Variants in ZNF280C observed in about 807,000 individuals in gnomAD.
The protein encoded by ZNF280C is suppressor of hairy wing homolog 3.
A neutral mutation model predicts 53.6 loss-of-function variants in ZNF280C; 14 were observed. The ratio of observed to expected loss-of-function variants is 0.26; its 90% CI spans 0.17 to 0.41. The LOEUF is 0.41. Among genes scored for constraint, ZNF280C ranks in the 10% least tolerant of loss-of-function variants. The probability of loss-of-function intolerance (pLI) is 1.00; values close to 1 mark genes in which losing one functional copy is unlikely to be tolerated. For synonymous variants in ZNF280C, 203 were observed against 181.1 expected (o/e 1.12, Z -0.97); for missense variants, 416 against 547.1 (o/e 0.76, Z 2.39).
chrX:130,236,140 C>T, intron 8 of ZNF280C, 74 bp downstream of exon 8: 1 of 665,965 alleles, frequency 1.5e-6, no homozygotes, highest in South Asian at 3.8e-5. Context: ...CCAGCATTTA[C>T]TGTATATCAA....
chrX:130,236,607 G>A lies in ZNF280C; in HGVS notation c.526C>T (p.Pro176Ser), dbSNP rs2032337856. 2 of 1,188,137 alleles carry A rather than the reference G, an allele frequency of 1.7e-6. No individual in the cohort carries two copies. Among genetic ancestry groups the A allele is most frequent in the Non-Finnish European group, 2.3e-6 (2 of 881,268 alleles). Residue 176 changes from proline (P) to serine (S), a missense_variant, in exon 7 of 19, where the codon CCT (proline) becomes TCT (serine). Around this residue, in one of 3 missense-constraint regions of ZNF280C, gnomAD observed 193 missense variants for 201.4 expected, o/e 0.96. Transcript: ENST00000370978. ...ACACTGTTTACTTTAGAAGTAGAAG[G>A]ATGTTTCAACACATATGAAGTATTT... is the stretch of plus-strand genomic sequence containing the variant. Reference protein sequence around the residue: ...MKNTSYVLKHPSTSKVNSVTP... With the variant: ...MKNTSYVLKHSSTSKVNSVTP...
chrX:130,251,282 C>CAA (rs61571389), intron 2 of ZNF280C, among the ~76,000 whole-genome samples: 158 of 15,217 alleles, frequency 0.01, 22 homozygotes, highest in African/African-American at 0.039. Context: ...GGACCTGTCT[C>CAA]AAAAAAAAAA....
intron 2 of ZNF280C, among the ~76,000 whole-genome samples, chrX:130,257,653 T>A (rs929455871): frequency 9.0e-6 from 1 of 111,568 alleles, no homozygotes; most frequent in East Asian, 2.8e-4. Flanking sequence ...AGTATATAGG[T>A]ACCTGCATGT....
intron 1 of ZNF280C, among the ~76,000 whole-genome samples, chrX:130,266,265 T>G (rs1419100302): frequency 8.9e-6 from 1 of 111,853 alleles, no homozygotes; most frequent in Non-Finnish European, 1.9e-5. Context: ...TGCTGTATGA[T>G]CTCACATGTG....
intron 1 of ZNF280C, among the ~76,000 whole-genome samples, chrX:130,265,143 T>C (rs209210): frequency 0.49 from 54,587 of 110,731 alleles, 10,267 homozygotes; most frequent in African/African-American, 0.69. Context: ...ATAACTTTAT[T>C]ATTTTATCCT....
chrX:130,219,404 T>A (rs2032137542), intron 13 of ZNF280C, among the ~76,000 whole-genome samples: 1 of 101,470 alleles, frequency 9.9e-6, no homozygotes, highest in Non-Finnish European at 2.0e-5. Flanking sequence ...CGAGAATCAC[T>A]TGAACCCGGG....
In ZNF280C at chrX:130,255,847, TG is replaced by T. The variant is rs749125599; in HGVS notation, c.31+4571del. On this transcript the variant is annotated intron_variant, in intron 2 of 18. Transcript: ENST00000370978. ...GTGCGCACCTGTAATTCTAGCTGCT[TG>T]GGAGGCAGAGGCACAAGAATCGCCT... Among the ~76,000 whole-genome samples, 5 of 111,701 alleles carry T rather than the reference TG, an allele frequency of 4.5e-5. No homozygotes were observed. The South Asian group carries it at 1.9e-3, about 42-fold the overall frequency.
Position 130,251,282 on chromosome X carries a change from C to CAAAAAAAAAAAAAAAAA in ZNF280C, c.32-4294_32-4278dup, listed in dbSNP as rs61571389. Among the ~76,000 whole-genome samples the CAAAAAAAAAAAAAAAAA allele has an allele frequency of 1.3e-3, 20 of 15,335 alleles. 5 individuals are homozygous for CAAAAAAAAAAAAAAAAA. The highest frequency in any genetic ancestry group is 3.5e-3 in the African/African-American group (9 of 2,588). 13.3% of individuals were successfully genotyped at this position (15,335 alleles called of 115,157 possible). On this transcript the variant is annotated intron_variant, in intron 2 of 18. Coordinates refer to ENST00000370978, the MANE Select transcript of ZNF280C (RefSeq NM_017666.5). ...AGGCAAACGCAGTAAGGACCTGTCT[C>CAAAAAAAAAAAAAAAAA]AAAAAAAAAAAAAAAAAAAAAAAAA... is the stretch of plus-strand genomic sequence containing the variant.
At chrX:130,221,073 T>C (rs2032158912) in intron 12 of ZNF280C, among the ~76,000 whole-genome samples, 1 of 111,864 alleles carries the variant, frequency 8.9e-6, no homozygotes, top group South Asian at 3.7e-4. Flanking sequence ...AGGTAACATG[T>C]ATGAAAGTAT....
chrX:130,229,377 C>T (rs1468193340), intron 9 of ZNF280C, among the ~76,000 whole-genome samples: 1 of 111,704 alleles, frequency 9.0e-6, no homozygotes, highest in East Asian at 2.8e-4. Context: ...TGAAACATCA[C>T]TAATTTGCTG....
At chrX:130,210,849 T>G (rs1321532906) in intron 15 of ZNF280C, among the ~76,000 whole-genome samples, 1 of 112,491 alleles carries the variant, frequency 8.9e-6, no homozygotes, top group Non-Finnish European at 1.9e-5. Context: ...TTACTCAAAG[T>G]GTGGTCCATG....
rs1344918032 is a variant in ZNF280C, at chrX:130,230,659, T to G, written c.840A>C (p.Glu280Asp). The change falls in exon 9 of 19, where the codon GAA becomes GAC. Residue 280 changes from glutamate to aspartate, a missense_variant. Physicochemically the swap from Glu to Asp is conservative, Grantham distance 45. This residue lies in a region of ZNF280C where 193 missense variants were observed against 201.4 expected (regional missense o/e 0.96). Coordinates refer to ENST00000370978, the MANE Select transcript of ZNF280C (RefSeq NM_017666.5). ...TTCCTGTCTCTGAATCAGTCTTGTC[T>G]TCATCACATGGACGTTCTGATTTAA... ...VIVKSERPCD[E>D]DKTDSETGKL... 3.3e-6 allele frequency: 4 copies of G among 1,209,601 alleles called. No individual in the cohort carries two copies. Among genetic ancestry groups the G allele is most frequent in the Admixed American group, 2.2e-5 (1 of 45,923 alleles).
intron 1 of ZNF280C, among the ~76,000 whole-genome samples, chrX:130,262,438 C>A (rs1407681964): frequency 8.9e-6 from 1 of 112,206 alleles, no homozygotes; most frequent in Non-Finnish European, 1.9e-5. Flanking sequence ...CAAATACATA[C>A]AACTTCATGG....
chrX:130,249,798 G>A (rs1449851443), intron 2 of ZNF280C, among the ~76,000 whole-genome samples: 2 of 111,810 alleles, frequency 1.8e-5, no homozygotes, highest in African/African-American at 3.3e-5. Flanking sequence ...CAAGGGTTCC[G>A]AAGGGGGCTG....
At chrX:130,205,028 CATTTAT>C in intron 18 of ZNF280C, 36 bp from the exon 19 acceptor site, 4 of 999,076 alleles carry the variant, frequency 4.0e-6, no homozygotes, top group Non-Finnish European at 5.2e-6. Context: ...TAATATTTTT[CATTTAT>C]ATTAATATTA....
At chrX:130,222,139 CT>C (rs761960441) in intron 12 of ZNF280C, among the ~76,000 whole-genome samples, 1 of 110,566 alleles carries the variant, frequency 9.0e-6, no homozygotes, top group African/African-American at 3.3e-5. Context: ...CTCTTATTCC[CT>C]TTGGAGAAGC....
At chrX:130,212,750 C>T (rs777485331) in intron 15 of ZNF280C, among the ~76,000 whole-genome samples, 45 of 110,825 alleles carry the variant, frequency 4.1e-4, no homozygotes, top group Middle Eastern at 4.7e-3. Context: ...GCAGATCTTC[C>T]TCATCCTAAA....
chrX:130,215,237 C>T lies in ZNF280C; in HGVS notation c.1935G>A (p.Lys645=), dbSNP rs1420409254. The change falls in exon 15 of 19, where the codon AAG becomes AAA. Residue 645 remains lysine (K), a synonymous_variant. Coordinates refer to ENST00000370978, the MANE Select transcript of ZNF280C (RefSeq NM_017666.5). ...AGGCTTTGTTACAGTTAGTATTGTA[C>T]TTGCAAAAACTGCAGTGGATGTATA... The part of the protein sequence containing the change: ...FSIYIHCSFC[K]YNTNCNKAFV... 8.3e-7 allele frequency: 1 copy of T among 1,205,133 alleles called. No homozygotes were observed. The highest frequency in any genetic ancestry group is 1.1e-6 in the Non-Finnish European group (1 of 892,032).
intron 16 of ZNF280C, among the ~76,000 whole-genome samples, chrX:130,208,013 C>T (rs778157799): frequency 1.6e-4 from 18 of 111,797 alleles, no homozygotes; most frequent in South Asian, 1.5e-3. Context: ...GGACTTCCTA[C>T]GCTGTATTAT....
Sources: gnomAD v4.1 joint callset for allele counts (sites outside exome capture counted in the v4.1 genomes callset) on GRCh38, gnomAD v4.1.1 for gene constraint, gnomAD v4.1.1 regional missense constraint, MANE v1.5 for transcripts, NCBI Gene and HGNC (gene_info 2026-07-23, HGNC 2026-07-21) for gene names.